The following BANF2 variants were observed in gnomAD, a reference collection of about 807,000 sequenced individuals.
The protein encoded by BANF2 is BANF family member 2.
A neutral mutation model predicts 8.0 loss-of-function variants in BANF2; 4 were observed. The ratio of observed to expected loss-of-function variants is 0.50; its 90% CI spans 0.25 to 1.14. The LOEUF (loss-of-function observed/expected upper bound fraction) is 1.14. Among genes scored for constraint, BANF2 ranks in the 50% most tolerant of loss-of-function variants. BANF2 has a pLI of 0.16. For synonymous variants in BANF2, 50 were observed against 40.6 expected, an observed-to-expected ratio of 1.23 and a Z score of -0.88; for missense variants, 96 against 107.5, an observed-to-expected ratio of 0.89 and a Z score of 0.47.
At chr20:17,696,848 G>A (rs539237356), upstream of BANF2, among the ~76,000 whole-genome samples, 1 of 152,268 alleles carries the variant, frequency 6.6e-6, no homozygotes, top group East Asian at 1.9e-4. Context: ...AGTACATGCC[G>A]TGTCTGATTG....
At chr20:17,730,547 C>G (rs1476184047) in intron 3 of BANF2, among the ~76,000 whole-genome samples, 2 of 152,190 alleles carry the variant, frequency 1.3e-5, no homozygotes, top group Non-Finnish European at 2.9e-5. Flanking sequence ...ACAGGCGGGG[C>G]TCTGCTCTCT....
At chr20:17,730,802 C>T (rs1259948252) in intron 3 of BANF2, among the ~76,000 whole-genome samples, 2 of 152,236 alleles carry the variant, frequency 1.3e-5, no homozygotes, top group African/African-American at 4.8e-5. Context: ...CGCTGTGCTC[C>T]ACTGCCTGAT....
intron 1 of BANF2, among the ~76,000 whole-genome samples, chr20:17,709,326 A>G (rs975792509): frequency 2.0e-5 from 3 of 152,132 alleles, no homozygotes; most frequent in Non-Finnish European, 4.4e-5. Flanking sequence ...CCTTAGGAGG[A>G]TCCAGAACCA....
chr20:17,708,411 G>C (rs924206360), intron 1 of BANF2, among the ~76,000 whole-genome samples: 1 of 152,146 alleles, frequency 6.6e-6, no homozygotes, highest in African/African-American at 2.4e-5. Flanking sequence ...ATATTTGAAT[G>C]ATTTCCCAAC....
chr20:17,728,849 C>T (rs528162831), intron 3 of BANF2, among the ~76,000 whole-genome samples: 12 of 152,158 alleles, frequency 7.9e-5, no homozygotes, highest in Admixed American at 1.3e-4. Context: ...TGCCCTTGTC[C>T]GAACTGAGAT....
intron 3 of BANF2, among the ~76,000 whole-genome samples, chr20:17,725,773 C>G (rs2037800251): frequency 6.6e-6 from 1 of 152,232 alleles, no homozygotes. Context: ...ACAGACAAGG[C>G]AGGCTGTGAA....
At chr20:17,696,686 C>T (rs560615188), upstream of BANF2, among the ~76,000 whole-genome samples, 2 of 152,078 alleles carry the variant, frequency 1.3e-5, no homozygotes, top group African/African-American at 4.8e-5. Flanking sequence ...GTTATTGATG[C>T]AATGCTCTGG....
At chr20:17,709,537 C>T (rs2037537872) in intron 1 of BANF2, among the ~76,000 whole-genome samples, 1 of 152,170 alleles carries the variant, frequency 6.6e-6, no homozygotes, top group South Asian at 2.1e-4. Flanking sequence ...CACCTGTACA[C>T]AAGATGCCCC....
chr20:17,719,250 G>A (rs780568880), intron 1 of BANF2, among the ~76,000 whole-genome samples: 19 of 152,028 alleles, frequency 1.2e-4, no homozygotes, highest in Non-Finnish European at 2.5e-4. Context: ...TCAGCCTTCC[G>A]AGTAGCTGGA....
chr20:17,712,187 C>T (rs1373948954), intron 1 of BANF2: 1 of 152,354 alleles, frequency 6.6e-6, no homozygotes, highest in African/African-American at 2.4e-5. Flanking sequence ...ACTGCTGCAG[C>T]CTGTGGCCTG....
chr20:17,733,915 T>C (rs1174203113), intron 3 of BANF2, among the ~76,000 whole-genome samples: 8 of 152,234 alleles, frequency 5.3e-5, no homozygotes, highest in Non-Finnish European at 1.2e-4. Context: ...TGCTTTATTT[T>C]ACATAACTAA....
At chr20:17,711,878 T>C (rs367593432) in intron 1 of BANF2, among the ~76,000 whole-genome samples, 1 of 152,210 alleles carries the variant, frequency 6.6e-6, no homozygotes, top group African/African-American at 2.4e-5. Flanking sequence ...CTCTGTCTCC[T>C]TGCAATGGAA....
chr20:17,711,180 G>T (rs1295448640), intron 1 of BANF2, among the ~76,000 whole-genome samples: 3 of 152,210 alleles, frequency 2.0e-5, no homozygotes, highest in Non-Finnish European at 4.4e-5. Context: ...GGGAGGTCTG[G>T]GTTAGAGATG....
upstream of BANF2, among the ~76,000 whole-genome samples, chr20:17,698,755 C>T (rs6136169): frequency 0.55 from 82,941 of 152,086 alleles, 24,506 homozygotes; most frequent in East Asian, 0.81. Flanking sequence ...GCACTGACAA[C>T]GTCAGTTGTG....
chr20:17,701,171 T>C (rs1173399653), intron 1 of BANF2, among the ~76,000 whole-genome samples: 2 of 152,174 alleles, frequency 1.3e-5, no homozygotes, highest in African/African-American at 4.8e-5. Flanking sequence ...CTAAGAACAT[T>C]TTAGCCTATG....
At chr20:17,732,343 G>T (rs527832175) in intron 3 of BANF2, among the ~76,000 whole-genome samples, 1 of 152,282 alleles carries the variant, frequency 6.6e-6, no homozygotes, top group Non-Finnish European at 1.5e-5. Flanking sequence ...GAGTTTAGGG[G>T]CATTCTGCCC....
At chr20:17,702,985 C>T (rs1447786361) in intron 1 of BANF2, among the ~76,000 whole-genome samples, 7 of 152,176 alleles carry the variant, frequency 4.6e-5, no homozygotes, top group Admixed American at 3.9e-4. Context: ...CTGCTCTGGG[C>T]CCTGCTGACT....
At chr20:17,727,943 G>A (rs184825354) in intron 3 of BANF2, among the ~76,000 whole-genome samples, 3 of 152,224 alleles carry the variant, frequency 2.0e-5, no homozygotes, top group Non-Finnish European at 4.4e-5. Flanking sequence ...GTTTTGCCAT[G>A]TTGTCCAGGC....
intron 3 of BANF2, among the ~76,000 whole-genome samples, chr20:17,726,173 G>A (rs1244219168): frequency 6.6e-6 from 1 of 152,150 alleles, no homozygotes; most frequent in African/African-American, 2.4e-5. Flanking sequence ...AAAAATTTTT[G>A]TACTTTTATT....
Sources: allele counts gnomAD v4.1 joint callset (sites outside exome capture counted in the v4.1 genomes callset), GRCh38; gene constraint gnomAD v4.1.1; transcripts MANE v1.5; gene names NCBI Gene and HGNC (gene_info 2026-07-23, HGNC 2026-07-21).